ADCY1: variants seen among roughly 807,000 people sequenced by gnomAD.
The protein encoded by ADCY1 is adenylate cyclase 1, also known as adenylate cyclase type 1.
ADCY1 carries 28 observed loss-of-function variants against 105.4 expected under a neutral mutation model. The observed-to-expected ratio is 0.27, with a 90% CI of 0.20 to 0.36. The LOEUF is 0.36. Among genes scored for constraint, ADCY1 ranks in the 10% least tolerant of loss-of-function variants. ADCY1 has a pLI of 1.00. For synonymous variants in ADCY1, 655 were observed against 623.8 expected (o/e 1.05, Z -0.75); for missense variants, 977 against 1,434.2 (o/e 0.68, Z 5.15).
At chr7:45,594,905 G>A (rs569196525) in intron 2 of ADCY1, among the ~76,000 whole-genome samples, 3 of 152,230 alleles carry the variant, frequency 2.0e-5, no homozygotes, top group South Asian at 4.2e-4. Context: ...TCATTGTGGT[G>A]TATATATAAT....
At chr7:45,664,563 T>C (rs1795219093) in intron 8 of ADCY1, 2 of 1,273,892 alleles carry the variant, frequency 1.6e-6, no homozygotes, top group Admixed American at 3.0e-5. Flanking sequence ...ATGAAAAGCA[T>C]TTATCTGGAA....
At chr7:45,667,313 T>A (rs996951028) in intron 8 of ADCY1, among the ~76,000 whole-genome samples, 12 of 152,222 alleles carry the variant, frequency 7.9e-5, no homozygotes, top group African/African-American at 2.7e-4. Context: ...GTATAAGGCG[T>A]AAGGAAGGGG....
Position 45,714,362 on chromosome 7 carries a change from C to G in ADCY1, c.*367C>G, listed in dbSNP as rs1331670462. On this transcript the variant is annotated 3_prime_UTR_variant, in exon 20 of 20. Transcript: ENST00000297323. ...CCTTCAGAGCATCCCAGGGTTACAG[C>G]AAGAGCCACTGAGGTGTGGCTGGCA... 4.3e-6 allele frequency: 1 copy of G among 232,052 alleles called. No homozygotes were observed. Among genetic ancestry groups the G allele is most frequent in the Admixed American group, 5.2e-5 (1 of 19,410 alleles). The allele number at this position is 232,052 out of a possible 1,614,324, so 14.4% of individuals were successfully genotyped here. A position where few individuals can be genotyped will look rare whatever the true frequency, so the allele number is the denominator to read the frequency against.
intron 3 of ADCY1, among the ~76,000 whole-genome samples, chr7:45,616,991 T>G (rs1793756328): frequency 6.6e-6 from 1 of 152,202 alleles, no homozygotes; most frequent in Non-Finnish European, 1.5e-5. Flanking sequence ...TCCCAAGTTT[T>G]GAATCCATCT....
chr7:45,583,156 C>CTGTG (rs528712846), intron 1 of ADCY1, among the ~76,000 whole-genome samples: 56 of 152,328 alleles, frequency 3.7e-4, no homozygotes, highest in African/African-American at 1.2e-3. Context: ...ATACGTGTGA[C>CTGTG]TGTACACATC....
chr7:45,588,493 A>C (rs981571206), intron 1 of ADCY1, among the ~76,000 whole-genome samples: 1 of 152,224 alleles, frequency 6.6e-6, no homozygotes. Context: ...ATATGTGCAC[A>C]CACATTTCTA....
In ADCY1 at chr7:45,714,913, A is replaced by G. The variant is rs191212129; in HGVS notation, c.*918A>G. ...CATCGTGGATCCTTTACATTTAGCA[A>G]CAACAGTGTGAGGCTCCACTTCTGT... On this transcript the variant is annotated 3_prime_UTR_variant, in exon 20 of 20. Transcript: ENST00000297323. 1.3e-5 allele frequency: 2 copies of G among 152,350 alleles called. No individual in the cohort carries two copies. Among genetic ancestry groups the G allele is most frequent in the East Asian group, 3.9e-4 (2 of 5,190 alleles). 9.4% of individuals were successfully genotyped at this position (152,350 alleles called of 1,614,324 possible).
chr7:45,646,636 G>T (rs1354646638), intron 4 of ADCY1, among the ~76,000 whole-genome samples: 1 of 152,204 alleles, frequency 6.6e-6, no homozygotes, highest in Non-Finnish European at 1.5e-5. Flanking sequence ...CCTGCCCTTG[G>T]GTGGAGTGGA....
rs888678955 is a variant in ADCY1, at chr7:45,710,922, C to A, written c.3057+270C>A. ...TGAGTCACTGGGTCCTGCTGCTGGT[C>A]CCAGCAGCCTGGTGGCTCTCATTCA... On this transcript the variant is annotated intron_variant, in intron 19 of 19. Transcript: ENST00000297323. This position sits in a 1 kb window ranked among gnomAD's most constrained non-coding sequence, Gnocchi z 4.7. Among the ~76,000 whole-genome samples the A allele has an allele frequency of 3.3e-5, 5 of 152,080 alleles. No homozygotes were observed. Among genetic ancestry groups the A allele is most frequent in the African/African-American group, 1.2e-4 (5 of 41,404 alleles).
chr7:45,675,033 CTT>C (rs1277229992), intron 8 of ADCY1, among the ~76,000 whole-genome samples: 6 of 152,144 alleles, frequency 3.9e-5, no homozygotes, highest in African/African-American at 1.2e-4. Flanking sequence ...AATATCTACA[CTT>C]AATGCAATTA....
At chr7:45,646,093 T>C (rs1286994802) in intron 4 of ADCY1, among the ~76,000 whole-genome samples, 2 of 151,914 alleles carry the variant, frequency 1.3e-5, no homozygotes, top group East Asian at 1.9e-4. Flanking sequence ...TGTCTGACCG[T>C]TGGGGACATT....
intron 17 of ADCY1, among the ~76,000 whole-genome samples, chr7:45,704,859 C>A (rs548882129): frequency 1.3e-5 from 2 of 152,016 alleles, no homozygotes; most frequent in Non-Finnish European, 2.9e-5. Flanking sequence ...GACACCTCCC[C>A]CTAGAACCCT....
intron 1 of ADCY1, among the ~76,000 whole-genome samples, chr7:45,580,095 A>C (rs139481487): frequency 3.5e-4 from 54 of 152,296 alleles, no homozygotes; most frequent in African/African-American, 1.3e-3. Context: ...TGCCCCTGTC[A>C]GGGCAGCTGG....
rs536402031 is a variant in ADCY1, at chr7:45,597,017, A to G, written c.789+4109A>G. On this transcript the variant is annotated intron_variant, in intron 2 of 19. Coordinates refer to ENST00000297323, the MANE Select transcript of ADCY1 (RefSeq NM_021116.4). Reference sequence around the variant, plus strand: ...CAGTGGCTTTGTGAGTAGGGAGAGCATTGTGCTCAGTTCACAAAATAGGAG... The same window carrying G: ...CAGTGGCTTTGTGAGTAGGGAGAGCGTTGTGCTCAGTTCACAAAATAGGAG... Among the ~76,000 whole-genome samples, 11 of 152,272 alleles carry G rather than the reference A, an allele frequency of 7.2e-5. No individual in the cohort carries two copies. The South Asian group carries it at 1.9e-3, about 26-fold the overall frequency.
intron 5 of ADCY1, among the ~76,000 whole-genome samples, chr7:45,652,671 T>C (rs1794841928): frequency 6.6e-6 from 1 of 152,226 alleles, no homozygotes; most frequent in Admixed American, 6.5e-5. Flanking sequence ...GGGAAGAGTC[T>C]AGGACCCGTT....
intron 8 of ADCY1, among the ~76,000 whole-genome samples, chr7:45,677,469 C>G (rs548147319): frequency 6.6e-6 from 1 of 152,182 alleles, no homozygotes; most frequent in Non-Finnish European, 1.5e-5. Flanking sequence ...CTCCGTTTGC[C>G]ACCGTTTCTC....
intron 8 of ADCY1, among the ~76,000 whole-genome samples, chr7:45,674,794 C>T (rs1375553034): frequency 6.6e-6 from 1 of 152,290 alleles, no homozygotes; most frequent in Admixed American, 6.5e-5. Flanking sequence ...TTTGTAATGT[C>T]TCTCTCTATC....
intron 19 of ADCY1, among the ~76,000 whole-genome samples, chr7:45,711,679 A>G (rs1234548934): frequency 7.0e-6 from 1 of 142,698 alleles, no homozygotes; most frequent in Non-Finnish European, 1.5e-5. Context: ...ATATACACAT[A>G]TATACACACA....
chr7:45,653,822 T>C (rs1255565710), intron 5 of ADCY1, among the ~76,000 whole-genome samples: 1 of 152,162 alleles, frequency 6.6e-6, no homozygotes, highest in African/African-American at 2.4e-5. Flanking sequence ...CCCTAGGAAG[T>C]TGCTCCTAGT....
Sources: allele counts gnomAD v4.1 joint callset (sites outside exome capture counted in the v4.1 genomes callset), GRCh38; gene constraint gnomAD v4.1.1; non-coding constraint Gnocchi (gnomAD v3.1); transcripts MANE v1.5; gene names NCBI Gene and HGNC (gene_info 2026-07-23, HGNC 2026-07-21).